DAB1: variants seen among roughly 807,000 people sequenced by gnomAD.
The protein encoded by DAB1 is disabled homolog 1.
In DAB1, 15 loss-of-function variants were observed where a neutral mutation model predicts 64.6. That is an observed-to-expected ratio of 0.23 (90% CI 0.16 to 0.36). The LOEUF (loss-of-function observed/expected upper bound fraction) is 0.36, where lower values mean the gene tolerates loss of function less well. DAB1 is among the 10% of genes least tolerant of loss of function. The pLI is 1.00. For synonymous variants in DAB1, 235 were observed against 251.9 expected (o/e 0.93, Z 0.64); for missense variants, 596 against 706.7 (o/e 0.84, Z 1.78).
chr1:57,407,786 G>A (rs1036738671), intron 1 of DAB1, among the ~76,000 whole-genome samples: 15 of 150,770 alleles, frequency 9.9e-5, no homozygotes, highest in African/African-American at 3.7e-4. Flanking sequence ...GTGTGTGTGT[G>A]TGTGTGTGTG....
At chr1:58,058,749 G>A (rs1319063075) in intron 5 of DAB1, among the ~76,000 whole-genome samples, 1 of 152,198 alleles carries the variant, frequency 6.6e-6, no homozygotes, top group African/African-American at 2.4e-5. Context: ...GCAGACAGAT[G>A]AGAAGAGGTT....
intron 7 of DAB1, among the ~76,000 whole-genome samples, chr1:57,639,607 T>C (rs1203813372): frequency 6.6e-6 from 1 of 152,084 alleles, no homozygotes. Context: ...GAGAAAATAA[T>C]GTGTCCATGA....
At chr1:57,680,756 C>A (rs148296331) in intron 6 of DAB1, among the ~76,000 whole-genome samples, 1 of 152,168 alleles carries the variant, frequency 6.6e-6, no homozygotes, top group African/African-American at 2.4e-5. Flanking sequence ...CTTAGTCCAA[C>A]TAGAATGATG....
chr1:58,215,300 C>G (rs145349349), intron 4 of DAB1, among the ~76,000 whole-genome samples: 1 of 152,160 alleles, frequency 6.6e-6, no homozygotes, highest in East Asian at 1.9e-4. Context: ...TCATTCAGGT[C>G]TCAAGTCAAA....
At chr1:58,354,574 A>G (rs1017283028) in intron 3 of DAB1, among the ~76,000 whole-genome samples, 1 of 152,182 alleles carries the variant, frequency 6.6e-6, no homozygotes, top group African/African-American at 2.4e-5. Context: ...GTCTTTTCTT[A>G]AAGGTCTTTC....
chr1:57,493,802 TGC>T (rs1644196109), intron 7 of DAB1, among the ~76,000 whole-genome samples: 1 of 140,124 alleles, frequency 7.1e-6, no homozygotes, highest in African/African-American at 3.3e-5. Flanking sequence ...TGACTGACAT[TGC>T]TTTCCCACTG....
intron 1 of DAB1, among the ~76,000 whole-genome samples, chr1:57,839,898 C>G (rs1652974076): frequency 6.6e-6 from 1 of 152,134 alleles, no homozygotes; most frequent in Non-Finnish European, 1.5e-5. Context: ...ACTTGGGTGT[C>G]ATTGTGCAGG....
chr1:57,863,751 T>C (rs1160129573), intron 1 of DAB1, among the ~76,000 whole-genome samples: 1 of 152,008 alleles, frequency 6.6e-6, no homozygotes, highest in Non-Finnish European at 1.5e-5. Context: ...AGAAAAAGAA[T>C]AAAATTTGCA....
intron 5 of DAB1, among the ~76,000 whole-genome samples, chr1:57,897,094 TA>T (rs544160478): frequency 1.8e-3 from 269 of 152,240 alleles, no homozygotes; most frequent in African/African-American, 5.2e-3. Context: ...TCTGCATCTG[TA>T]AAAAAAGTAT....
intron 4 of DAB1, among the ~76,000 whole-genome samples, chr1:57,081,591 T>G (rs955668652): frequency 2.0e-5 from 3 of 150,226 alleles, no homozygotes; most frequent in Non-Finnish European, 1.5e-5. Flanking sequence ...TTCCTTTTGT[T>G]GGTCGCTTAA....
chr1:57,664,527 T>A (rs1237397919), intron 6 of DAB1, among the ~76,000 whole-genome samples: 1 of 152,158 alleles, frequency 6.6e-6, no homozygotes, highest in Non-Finnish European at 1.5e-5. Flanking sequence ...TGCCATAAAC[T>A]TAAGAAATAG....
intron 7 of DAB1, among the ~76,000 whole-genome samples, chr1:57,563,161 G>A (rs1645073160): frequency 6.6e-6 from 1 of 152,120 alleles, no homozygotes. Flanking sequence ...ATACAGAATG[G>A]GTAGTAGAAG....
At chr1:58,376,344 C>T (rs1450792904) in intron 3 of DAB1, among the ~76,000 whole-genome samples, 3 of 138,310 alleles carry the variant, frequency 2.2e-5, no homozygotes, top group Non-Finnish European at 3.2e-5. Flanking sequence ...CTACACACTG[C>T]TTTGAATGTG....
chr1:58,481,323 A>C (rs966276676), intron 3 of DAB1: 11 of 383,972 alleles, frequency 2.9e-5, no homozygotes, highest in African/African-American at 6.2e-5. Flanking sequence ...CACATAAAAG[A>C]GAACCACTGA....
chr1:58,215,339 G>C (rs1005545099), intron 4 of DAB1, among the ~76,000 whole-genome samples: 13 of 151,554 alleles, frequency 8.6e-5, no homozygotes, highest in African/African-American at 3.2e-4. Flanking sequence ...GATGCCTGAG[G>C]GTATGGCTAT....
intron 7 of DAB1, among the ~76,000 whole-genome samples, chr1:57,535,535 T>C (rs1644716733): frequency 6.6e-6 from 1 of 150,466 alleles, no homozygotes; most frequent in Non-Finnish European, 1.5e-5. Context: ...TGTGGCGTGA[T>C]CTTAGTTCAC....
At chr1:57,276,855 T>C (rs1355934220) in intron 2 of DAB1, among the ~76,000 whole-genome samples, 2 of 152,226 alleles carry the variant, frequency 1.3e-5, no homozygotes, top group Non-Finnish European at 2.9e-5. Context: ...CTCTTTCTTA[T>C]TAGATTTTAA....
At chr1:57,926,067 T>C (rs1030519418) in intron 5 of DAB1, among the ~76,000 whole-genome samples, 52 of 152,326 alleles carry the variant, frequency 3.4e-4, no homozygotes, top group Middle Eastern at 3.4e-3. Flanking sequence ...CATGTTCCCA[T>C]GGATGGTTAC....
intron 3 of DAB1, among the ~76,000 whole-genome samples, chr1:58,380,309 C>T (rs932941335): frequency 5.3e-5 from 8 of 151,848 alleles, no homozygotes; most frequent in African/African-American, 1.2e-4. Flanking sequence ...TTCCCCAGTG[C>T]TCTCTCTCTC....
Sources: gnomAD v4.1 joint callset for allele counts (sites outside exome capture counted in the v4.1 genomes callset) on GRCh38, gnomAD v4.1.1 for gene constraint, MANE v1.5 for transcripts, NCBI Gene and HGNC (gene_info 2026-07-23, HGNC 2026-07-21) for gene names.